Variants in ZMAT3 observed in about 807,000 individuals in gnomAD.
The protein encoded by ZMAT3 is zinc finger matrin-type 3, also known as zinc finger matrin-type protein 3.
A neutral mutation model predicts 32.3 loss-of-function variants in ZMAT3; 17 were observed. That is an observed-to-expected ratio of 0.53 (90% CI 0.36 to 0.79). The LOEUF is 0.79. Among genes scored for constraint, ZMAT3 ranks in the 30% least tolerant of loss-of-function variants. The pLI, the probability that ZMAT3 is intolerant of heterozygous loss-of-function variation, is 0.00. For missense variants in ZMAT3, 329 were observed against 359.7 expected (o/e 0.91, Z 0.69); for synonymous variants, 120 against 133.1 (o/e 0.90, Z 0.68).
chr3:179,067,839 A>G (rs1353749424), intron 1 of ZMAT3, 30 bp from the exon 2 acceptor site: 3 of 1,541,300 alleles, frequency 1.9e-6, no homozygotes, highest in Non-Finnish European at 8.7e-7. Flanking sequence ...ACAGAAAAAA[A>G]AACTCACTTG....
chr3:179,025,146 G>C lies in ZMAT3; in HGVS notation c.741C>G (p.Tyr247Ter). The stretch of plus-strand genomic sequence containing the variant: ...CAGCTCCAACATTACACATTGAGCA[G>C]TAAAACTGGCCACTTGGAGTAACAC... The part of the protein sequence containing the change: ...AMCVTPSGQF[Y>*]CSMCNVGAGE... Residue 247 changes from tyrosine (Y) to a stop codon, truncating the protein, a stop_gained, in exon 6 of 6, where the codon TAC (tyrosine) becomes TAG (stop). Transcript: ENST00000311417. LOFTEE classifies it high-confidence loss of function. The C allele has an allele frequency of 6.2e-7, 1 of 1,614,222 alleles. No individual in the cohort carries two copies. The highest frequency in any genetic ancestry group is 8.5e-7 in the Non-Finnish European group (1 of 1,180,042).
chr3:179,021,234 G>A lies in ZMAT3; in HGVS notation c.*3783C>T, dbSNP rs1209285733. ...ATATTTACAAGTTGCAGGACATGAT[G>A]CACAATGTGAAGACCAACAAAGTAT... On this transcript the variant is annotated 3_prime_UTR_variant, in exon 6 of 6. Transcript: ENST00000311417. The A allele has an allele frequency of 2.0e-5, 3 of 152,202 alleles. No individual in the cohort carries two copies. Among genetic ancestry groups the A allele is most frequent in the Non-Finnish European group, 4.4e-5 (3 of 68,022 alleles). 9.4% of individuals were successfully genotyped at this position (152,202 alleles called of 1,614,324 possible).
intron 2 of ZMAT3, among the ~76,000 whole-genome samples, chr3:179,044,885 C>T (rs1355731686): frequency 1.3e-5 from 2 of 149,706 alleles, no homozygotes; most frequent in Non-Finnish European, 3.0e-5. Flanking sequence ...TGTCAGGGGG[C>T]GGGGGACTAG....
At chr3:179,026,629 A>C (rs915439043) in intron 5 of ZMAT3, among the ~76,000 whole-genome samples, 1 of 151,722 alleles carries the variant, frequency 6.6e-6, no homozygotes, top group Non-Finnish European at 1.5e-5. Flanking sequence ...CAGGTGATCC[A>C]CCTACCTCAG....
chr3:179,054,304 TCTC>T (rs1447789665), intron 2 of ZMAT3, among the ~76,000 whole-genome samples: 1 of 152,082 alleles, frequency 6.6e-6, no homozygotes, highest in Admixed American at 6.5e-5. Context: ...CTCATCATCA[TCTC>T]CTTCTTCATG....
At position 179,019,537 on chromosome 3, in the gene ZMAT3, G is replaced by C. The variant is rs931142763; in HGVS notation, c.*5480C>G. On this transcript the variant is annotated 3_prime_UTR_variant, in exon 6 of 6. Transcript: ENST00000311417. Reference sequence around the variant, plus strand: ...AATGTTGATGGCAGAATCTAGCAGTGGTTATACTGCAAAGTTTTTTCAACT... The same window carrying C: ...AATGTTGATGGCAGAATCTAGCAGTCGTTATACTGCAAAGTTTTTTCAACT... 3.3e-5 allele frequency: 5 copies of C among 152,024 alleles called. No homozygotes were observed. The highest frequency in any genetic ancestry group is 5.9e-5 in the Non-Finnish European group (4 of 67,978). 9.4% of individuals were successfully genotyped at this position (152,024 alleles called of 1,614,324 possible). A position where few individuals can be genotyped will look rare whatever the true frequency, so the allele number is the denominator to read the frequency against.
intron 2 of ZMAT3, among the ~76,000 whole-genome samples, chr3:179,040,029 GAA>G (rs944729725): frequency 6.6e-6 from 1 of 151,976 alleles, no homozygotes; most frequent in Non-Finnish European, 1.5e-5. Context: ...GACATGGTTA[GAA>G]AAAAAGAGTA....
chr3:179,068,427 G>A (rs1458764503), intron 1 of ZMAT3, among the ~76,000 whole-genome samples: 3 of 152,112 alleles, frequency 2.0e-5, no homozygotes, highest in East Asian at 1.9e-4. Context: ...CAGGAGAATC[G>A]CTTGAACCGG....
intron 2 of ZMAT3, among the ~76,000 whole-genome samples, chr3:179,034,832 C>T (rs1006540637): frequency 6.6e-6 from 1 of 152,168 alleles, no homozygotes; most frequent in Non-Finnish European, 1.5e-5. Flanking sequence ...AAGCCCAACA[C>T]ATTCAACCCA....
intron 1 of ZMAT3, among the ~76,000 whole-genome samples, chr3:179,068,809 T>C (rs1721558546): frequency 6.6e-6 from 1 of 152,228 alleles, no homozygotes; most frequent in Non-Finnish European, 1.5e-5. Context: ...CAGTTTTGTT[T>C]TCATTTTTTT....
chr3:179,062,373 A>C (rs972818862), intron 2 of ZMAT3, among the ~76,000 whole-genome samples: 4 of 152,192 alleles, frequency 2.6e-5, no homozygotes, highest in Non-Finnish European at 1.5e-5. Flanking sequence ...TGCTGCTGCT[A>C]TTTTTATTTA....
chr3:179,051,099 C>T (rs1217815002), intron 2 of ZMAT3, among the ~76,000 whole-genome samples: 1 of 152,152 alleles, frequency 6.6e-6, no homozygotes, highest in African/African-American at 2.4e-5. Flanking sequence ...CCCACTTTCA[C>T]CACTTCTATT....
upstream of ZMAT3, chr3:179,072,330 C>A (rs1166179437): frequency 2.6e-5 from 4 of 151,298 alleles, no homozygotes; most frequent in African/African-American, 9.7e-5. Context: ...ACACAAAACG[C>A]CCCCACCCAC....
intron 2 of ZMAT3, among the ~76,000 whole-genome samples, chr3:179,059,939 C>T (rs940877826): frequency 2.1e-4 from 32 of 152,094 alleles, no homozygotes; most frequent in African/African-American, 7.7e-4. Flanking sequence ...AGCTCACACC[C>T]GACCAGTAAG....
At chr3:179,045,226 C>A (rs968634240) in intron 2 of ZMAT3, among the ~76,000 whole-genome samples, 1 of 152,050 alleles carries the variant, frequency 6.6e-6, no homozygotes, top group African/African-American at 2.4e-5. Context: ...TCATAGAAGT[C>A]TGGAACAAAG....
At chr3:179,051,106 T>C (rs1720530619) in intron 2 of ZMAT3, among the ~76,000 whole-genome samples, 2 of 152,166 alleles carry the variant, frequency 1.3e-5, no homozygotes, top group Non-Finnish European at 1.5e-5. Context: ...TCACCACTTC[T>C]ATTCACCCTA....
At chr3:179,064,711 G>A (rs545684050) in intron 2 of ZMAT3, among the ~76,000 whole-genome samples, 1 of 152,292 alleles carries the variant, frequency 6.6e-6, no homozygotes, top group Admixed American at 6.5e-5. Context: ...AATTACAGGT[G>A]TGAGGCACCA....
At chr3:179,052,856 G>A (rs555964436) in intron 2 of ZMAT3, among the ~76,000 whole-genome samples, 4 of 152,246 alleles carry the variant, frequency 2.6e-5, no homozygotes, top group Non-Finnish European at 4.4e-5. Flanking sequence ...GGCCAGGCGC[G>A]GTGGCTCACA....
chr3:179,045,099 G>A (rs563179061), intron 2 of ZMAT3, among the ~76,000 whole-genome samples: 9 of 151,888 alleles, frequency 5.9e-5, no homozygotes, highest in South Asian at 2.1e-4. Context: ...TAGACGAGTC[G>A]GTGATAGAGA....
Sources: gnomAD v4.1 joint callset for allele counts (sites outside exome capture counted in the v4.1 genomes callset) on GRCh38, gnomAD v4.1.1 for gene constraint, MANE v1.5 for transcripts, NCBI Gene and HGNC (gene_info 2026-07-23, HGNC 2026-07-21) for gene names.